The following RBFOX1 variants were observed in gnomAD, a reference collection of about 807,000 sequenced individuals.
RBFOX1 encodes RNA binding protein fox-1 homolog 1.
Under a neutral mutation model 57.7 loss-of-function variants are expected in RBFOX1, and 8 were observed. The observed-to-expected ratio is 0.14, with a 90% CI of 0.08 to 0.25. The LOEUF is 0.25. Ranked by LOEUF, RBFOX1 falls within the 10% of genes least tolerant of loss-of-function variation. The probability of loss-of-function intolerance (pLI) is 1.00; values close to 1 mark genes in which losing one functional copy is unlikely to be tolerated. For missense variants in RBFOX1, 611 were observed against 548.5 expected, an observed-to-expected ratio of 1.11 and a Z score of -1.14; for synonymous variants, 326 against 222.4, an observed-to-expected ratio of 1.47 and a Z score of -4.15.
At chr16:6,221,789 G>T (rs1296891272) in intron 1 of RBFOX1, among the ~76,000 whole-genome samples, 1 of 152,144 alleles carries the variant, frequency 6.6e-6, no homozygotes, top group African/African-American at 2.4e-5. Context: ...AAAACCATCA[G>T]ATCTTGTGAA....
intron 1 of RBFOX1, among the ~76,000 whole-genome samples, chr16:6,233,065 G>A (rs778505993): frequency 1.2e-4 from 19 of 152,160 alleles, no homozygotes; most frequent in Non-Finnish European, 2.4e-4. Flanking sequence ...ATCTAACAGG[G>A]AAATTCTTGT....
intron 9 of RBFOX1, among the ~76,000 whole-genome samples, chr16:7,598,861 G>C (rs1044837642): frequency 7.9e-5 from 12 of 152,134 alleles, no homozygotes; most frequent in Admixed American, 5.9e-4. Context: ...ACTAAATACT[G>C]ATTGTTTATC....
intron 5 of RBFOX1, among the ~76,000 whole-genome samples, chr16:7,552,608 A>G (rs899711447): frequency 2.6e-5 from 4 of 152,314 alleles, no homozygotes; most frequent in Admixed American, 1.3e-4. Flanking sequence ...TCCATAGTTC[A>G]TGACCCTATA....
intron 4 of RBFOX1, among the ~76,000 whole-genome samples, chr16:7,489,560 G>A (rs2066376242): frequency 6.6e-6 from 1 of 151,934 alleles, no homozygotes; most frequent in African/African-American, 2.4e-5. Context: ...CTGCTGCCCA[G>A]GCTGGAATGC....
chr16:7,535,681 T>G (rs1014522142), intron 5 of RBFOX1, among the ~76,000 whole-genome samples: 5 of 152,194 alleles, frequency 3.3e-5, no homozygotes, highest in Middle Eastern at 3.2e-3. Flanking sequence ...CACCCTTAGT[T>G]TGGCATCCCA....
intron 1 of RBFOX1, among the ~76,000 whole-genome samples, chr16:6,298,446 C>A (rs924405874): frequency 1.3e-5 from 2 of 152,218 alleles, no homozygotes. Flanking sequence ...AAAAAACAAT[C>A]ATCAATTTAT....
chr16:6,460,909 G>C (rs1597572545), intron 2 of RBFOX1, among the ~76,000 whole-genome samples: 1 of 151,752 alleles, frequency 6.6e-6, no homozygotes, highest in Non-Finnish European at 1.5e-5. Context: ...GTACACCATG[G>C]AATACTATGC....
rs538707582 is a variant in RBFOX1, at chr16:7,326,938, T to C, written c.28-191209T>C. Among the ~76,000 whole-genome samples the C allele has an allele frequency of 3.3e-5, 5 of 152,218 alleles. No individual in the cohort carries two copies. The East Asian group carries it at 9.7e-4, about 30-fold the overall frequency. On this transcript the variant is annotated intron_variant, in intron 4 of 15. Transcript: ENST00000550418. ...TCTGGAAGGATTTGGGAAAACTTCA[T>C]TTGCTAGTGGACATTTTAGTCATTG...
At chr16:6,900,623 A>G (rs151054470) in intron 3 of RBFOX1, among the ~76,000 whole-genome samples, 9 of 152,250 alleles carry the variant, frequency 5.9e-5, no homozygotes, top group Non-Finnish European at 7.4e-5. Flanking sequence ...AGCAGATGCT[A>G]TTCCCTCTGC....
chr16:7,317,088 G>A (rs1478851975), intron 4 of RBFOX1, among the ~76,000 whole-genome samples: 1 of 151,952 alleles, frequency 6.6e-6, no homozygotes, highest in Non-Finnish European at 1.5e-5. Flanking sequence ...AATAGAGGGA[G>A]ACAAGATAGA....
At chr16:6,795,353 T>C (rs1469915501) in intron 3 of RBFOX1, among the ~76,000 whole-genome samples, 1 of 152,138 alleles carries the variant, frequency 6.6e-6, no homozygotes, top group African/African-American at 2.4e-5. Context: ...GCTATTGCAT[T>C]TCACCCGAGT....
intron 3 of RBFOX1, among the ~76,000 whole-genome samples, chr16:6,693,995 A>G (rs995166201): frequency 5.3e-5 from 8 of 152,244 alleles, no homozygotes; most frequent in Non-Finnish European, 7.3e-5. Flanking sequence ...TATAAAGATT[A>G]CTTTGTTACA....
chr16:7,149,483 CT>C (rs60001454), intron 4 of RBFOX1, among the ~76,000 whole-genome samples: 53,895 of 121,808 alleles, frequency 0.44, 11,196 homozygotes, highest in Admixed American at 0.54. Context: ...TCTTTCTTTC[CT>C]TTTTTTTTTT....
chr16:7,077,222 G>C (rs2058448043), intron 4 of RBFOX1, among the ~76,000 whole-genome samples: 1 of 152,196 alleles, frequency 6.6e-6, no homozygotes, highest in Admixed American at 6.5e-5. Flanking sequence ...TCTTTGTTCA[G>C]ACAATCCATG....
intron 4 of RBFOX1, among the ~76,000 whole-genome samples, chr16:7,104,288 A>T (rs577417471): frequency 2.0e-5 from 3 of 152,220 alleles, no homozygotes; most frequent in Non-Finnish European, 4.4e-5. Context: ...ATTCACTGGA[A>T]TTGAGGATAT....
At chr16:7,699,885 A>T in intron 14 of RBFOX1, among the ~76,000 whole-genome samples, 1 of 152,148 alleles carries the variant, frequency 6.6e-6, no homozygotes, top group East Asian at 1.9e-4. Context: ...TGTGTCCCCA[A>T]GAACTGGTCA....
At chr16:5,522,807 C>T (rs1433449799) in intron 2 of RBFOX1, among the ~76,000 whole-genome samples, 2 of 152,190 alleles carry the variant, frequency 1.3e-5, no homozygotes, top group Non-Finnish European at 2.9e-5. Flanking sequence ...TCTTTCTGTG[C>T]CTGGCTTATT....
At chr16:7,145,619 G>T (rs191208669) in intron 4 of RBFOX1, among the ~76,000 whole-genome samples, 55 of 152,168 alleles carry the variant, frequency 3.6e-4, no homozygotes, top group African/African-American at 1.1e-3. Flanking sequence ...TTATGTTAGT[G>T]GGGGTATTTA....
At chr16:5,430,523 A>T (rs1362846008) in intron 1 of RBFOX1, among the ~76,000 whole-genome samples, 3 of 152,136 alleles carry the variant, frequency 2.0e-5, no homozygotes, top group African/African-American at 7.2e-5. Context: ...CCAGGAACGG[A>T]AGGAGCATCT....
Sources: allele counts gnomAD v4.1 joint callset (sites outside exome capture counted in the v4.1 genomes callset), GRCh38; gene constraint gnomAD v4.1.1; transcripts MANE v1.5; gene names NCBI Gene and HGNC (gene_info 2026-07-23, HGNC 2026-07-21).